Variants in PTPRD observed in about 807,000 individuals in gnomAD.
PTPRD encodes protein tyrosine phosphatase receptor type D, also known as receptor-type tyrosine-protein phosphatase delta.
Under a neutral mutation model 214.5 loss-of-function variants are expected in PTPRD, and 34 were observed. The ratio of observed to expected loss-of-function variants is 0.16; its 90% CI spans 0.12 to 0.21. The LOEUF (loss-of-function observed/expected upper bound fraction) is 0.21. Among genes scored for constraint, PTPRD ranks in the 10% least tolerant of loss-of-function variants. The pLI is 1.00. For synonymous variants in PTPRD, 1,128 were observed against 845.7 expected (o/e 1.33, Z -5.79); for missense variants, 2,545 against 2,398.7 (o/e 1.06, Z -1.27).
At chr9:10,552,014 G>A (rs1490674632) in intron 2 of PTPRD, among the ~76,000 whole-genome samples, 1 of 152,082 alleles carries the variant, frequency 6.6e-6, no homozygotes, top group African/African-American at 2.4e-5. Context: ...TCTCTATGGA[G>A]GTGCTTTGGA....
intron 9 of PTPRD, among the ~76,000 whole-genome samples, chr9:9,386,245 C>A (rs1276711814): frequency 1.3e-5 from 2 of 152,134 alleles, no homozygotes; most frequent in African/African-American, 4.8e-5. Flanking sequence ...GAGCCCCTGG[C>A]AGGCATGAGT....
At position 9,795,276 on chromosome 9, in the gene PTPRD, T is replaced by C. The variant is rs573675355; in HGVS notation, c.-367-28425A>G. On this transcript the variant is annotated intron_variant, in intron 5 of 45. Coordinates refer to ENST00000381196, the MANE Select transcript of PTPRD (RefSeq NM_002839.4). Reference sequence around the variant, plus strand: ...TTTAATTTGGAAATAGTGGGGTATATTGAGTTTTAGAATAGTGGGACCTAA... The same window carrying C: ...TTTAATTTGGAAATAGTGGGGTATACTGAGTTTTAGAATAGTGGGACCTAA... 2.6e-5 allele frequency among the ~76,000 whole-genome samples: 4 copies of C among 152,302 alleles called. No individual in the cohort carries two copies. In the South Asian group the frequency reaches 8.3e-4, roughly 32 times the overall value.
At chr9:9,779,099 A>AAAAAAAAAAAAAAAAG (rs1565195907) in intron 5 of PTPRD, among the ~76,000 whole-genome samples, 5 of 148,742 alleles carry the variant, frequency 3.4e-5, no homozygotes, top group African/African-American at 1.2e-4. Flanking sequence ...AAAAAAAAAA[A>AAAAAAAAAAAAAAAAG]AAAAAGCAAT....
chr9:9,203,109 T>C (rs1399885749), intron 9 of PTPRD, among the ~76,000 whole-genome samples: 2 of 152,022 alleles, frequency 1.3e-5, no homozygotes, highest in African/African-American at 4.8e-5. Context: ...TTCTGAAAAG[T>C]CAGTCAGCTA....
intron 8 of PTPRD, among the ~76,000 whole-genome samples, chr9:9,402,966 G>GCAAAAAAAAAA: frequency 1.3e-5 from 1 of 78,596 alleles, no homozygotes; most frequent in Non-Finnish European, 2.3e-5. Context: ...CTAATAGGGA[G>GCAAAAAAAAAA]AAAAAAAAAA....
chr9:10,147,718 A>G (rs71501056), intron 3 of PTPRD, among the ~76,000 whole-genome samples: 723 of 152,156 alleles, frequency 4.8e-3, no homozygotes, highest in Middle Eastern at 6.8e-3. Flanking sequence ...CGTCTCTACT[A>G]AAAATAGAAA....
intron 37 of PTPRD, among the ~76,000 whole-genome samples, chr9:8,388,981 CCT>C (rs1491465755): frequency 9.2e-6 from 1 of 109,052 alleles, no homozygotes; most frequent in Non-Finnish European, 1.7e-5. Context: ...TGTGAATATT[CCT>C]TTTTTTTTTT....
chr9:8,743,645 A>T (rs776036662), intron 11 of PTPRD, among the ~76,000 whole-genome samples: 6 of 152,204 alleles, frequency 3.9e-5, no homozygotes, highest in Non-Finnish European at 7.3e-5. Flanking sequence ...AAACCGTAAC[A>T]ATTCTAGAAG....
chr9:9,209,306 G>C (rs552299192), intron 9 of PTPRD, among the ~76,000 whole-genome samples: 6 of 152,108 alleles, frequency 3.9e-5, no homozygotes, highest in Non-Finnish European at 8.8e-5. Flanking sequence ...TGTTTCCTCA[G>C]TAAATAAATT....
At chr9:9,470,117 T>C (rs2094489508) in intron 8 of PTPRD, among the ~76,000 whole-genome samples, 1 of 152,188 alleles carries the variant, frequency 6.6e-6, no homozygotes, top group African/African-American at 2.4e-5. Context: ...GGCCAGGCTG[T>C]CAGGTCACAG....
At chr9:8,766,093 T>A (rs1012115761) in intron 11 of PTPRD, among the ~76,000 whole-genome samples, 4 of 151,862 alleles carry the variant, frequency 2.6e-5, no homozygotes, top group African/African-American at 9.7e-5. Context: ...ACCAAGAGTT[T>A]CCTTACACTA....
chr9:9,711,963 T>C (rs186430489), intron 7 of PTPRD, among the ~76,000 whole-genome samples: 41 of 152,282 alleles, frequency 2.7e-4, no homozygotes, highest in African/African-American at 9.6e-4. Flanking sequence ...TGGGCACAAA[T>C]ACTGTCATTC....
intron 9 of PTPRD, among the ~76,000 whole-genome samples, chr9:9,225,172 G>A (rs10816067): frequency 0.29 from 43,475 of 151,756 alleles, 6,419 homozygotes; most frequent in East Asian, 0.34. Context: ...AGAAGGGGAA[G>A]GCTGAACTAA....
intron 3 of PTPRD, among the ~76,000 whole-genome samples, chr9:10,188,927 C>A (rs539247507): frequency 5.3e-5 from 8 of 152,222 alleles, no homozygotes; most frequent in Admixed American, 2.0e-4. Flanking sequence ...ACTGGCTTTG[C>A]CTGGGGTCAC....
At chr9:9,314,104 T>G (rs949435822) in intron 9 of PTPRD, among the ~76,000 whole-genome samples, 4 of 152,152 alleles carry the variant, frequency 2.6e-5, no homozygotes, top group African/African-American at 9.6e-5. Context: ...TTCACCATTA[T>G]TTGTTTGTTT....
chr9:9,947,337 T>TATATATA (rs796254641), intron 4 of PTPRD, among the ~76,000 whole-genome samples: 824 of 61,112 alleles, frequency 0.013, 45 homozygotes, highest in East Asian at 0.053. Context: ...ATATATGTAT[T>TATATATA]ATATATATAA....
At chr9:9,258,368 T>A (rs2099978661) in intron 9 of PTPRD, among the ~76,000 whole-genome samples, 1 of 151,900 alleles carries the variant, frequency 6.6e-6, no homozygotes, top group South Asian at 2.1e-4. Context: ...GCTATTATGG[T>A]TTGTAATCTG....
chr9:8,520,001 A>G (rs2097857653), intron 20 of PTPRD, among the ~76,000 whole-genome samples: 1 of 152,188 alleles, frequency 6.6e-6, no homozygotes, highest in Non-Finnish European at 1.5e-5. Context: ...TTGTCAAGGG[A>G]ATTTACTGAA....
chr9:8,499,595 C>G (rs2136789526), intron 25 of PTPRD, 52 bp downstream of exon 25: 1 of 1,546,802 alleles, frequency 6.5e-7, no homozygotes, highest in Non-Finnish European at 8.7e-7. Flanking sequence ...AGGATATGAA[C>G]TAAGATAAAC....
Sources: allele counts gnomAD v4.1 joint callset (sites outside exome capture counted in the v4.1 genomes callset), GRCh38; gene constraint gnomAD v4.1.1; transcripts MANE v1.5; gene names NCBI Gene and HGNC (gene_info 2026-07-23, HGNC 2026-07-21).